Variants in MACROH2A1 observed in about 807,000 individuals in gnomAD.
The protein encoded by MACROH2A1 is core histone macro-H2A.1.
Under a neutral mutation model 31.6 loss-of-function variants are expected in MACROH2A1, and 2 were observed. The ratio of observed to expected loss-of-function variants is 0.06; its 90% CI spans 0.03 to 0.20. The LOEUF is 0.20. MACROH2A1 is among the 10% of genes least tolerant of loss of function. The probability of loss-of-function intolerance (pLI) is 1.00; values close to 1 mark genes in which losing one functional copy is unlikely to be tolerated. For missense variants in MACROH2A1, 230 were observed against 474.0 expected, an observed-to-expected ratio of 0.49 and a Z score of 4.78; for synonymous variants, 169 against 189.6, an observed-to-expected ratio of 0.89 and a Z score of 0.89.
chr5:135,395,040 T>C (rs1013876100), intron 1 of MACROH2A1, among the ~76,000 whole-genome samples: 1 of 152,134 alleles, frequency 6.6e-6, no homozygotes, highest in African/African-American at 2.4e-5. Flanking sequence ...AGGGAGCTTG[T>C]AGAGCTACCT....
intron 8 of MACROH2A1, among the ~76,000 whole-genome samples, chr5:135,336,792 T>A (rs555598495): frequency 4.0e-4 from 61 of 152,326 alleles, no homozygotes; most frequent in African/African-American, 1.4e-3. Context: ...CTGACTATAT[T>A]CACAGGAGTC....
intron 5 of MACROH2A1, chr5:135,357,624 C>T (rs1762333293): frequency 2.8e-6 from 1 of 356,240 alleles, no homozygotes; most frequent in South Asian, 1.1e-4. Flanking sequence ...ACCACTGACA[C>T]ATTAGACACA....
intron 2 of MACROH2A1, among the ~76,000 whole-genome samples, chr5:135,385,885 T>A (rs1766338434): frequency 6.6e-6 from 1 of 152,196 alleles, no homozygotes; most frequent in South Asian, 2.1e-4. Context: ...GTGAGCTCCA[T>A]GAAGCAGAGG....
At chr5:135,394,424 C>G (rs181487534) in intron 1 of MACROH2A1, among the ~76,000 whole-genome samples, 1 of 152,066 alleles carries the variant, frequency 6.6e-6, no homozygotes, top group African/African-American at 2.4e-5. Flanking sequence ...GTGCACAGGC[C>G]CTGTTGACCT....
chr5:135,380,897 T>C (rs1002328090), intron 2 of MACROH2A1, among the ~76,000 whole-genome samples: 1 of 152,242 alleles, frequency 6.6e-6, no homozygotes, highest in African/African-American at 2.4e-5. Flanking sequence ...CAAAGGGCAA[T>C]GCATGTCTCA....
Position 135,360,512 on chromosome 5 carries a change from G to A in MACROH2A1, c.573C>T (p.Leu191=), listed in dbSNP as rs746976824. ...ATCTGCCTACCTTCTGGCCAAGGAA[G>A]AGGCTCTTGGTGGAGAGGACTGTGA... is the stretch of plus-strand genomic sequence containing the variant. ...DGFTVLSTKS[L]FLGQKLNLIH... Residue 191 remains leucine, a synonymous_variant, in exon 5 of 9, where the codon CTC becomes CTT. Coordinates refer to ENST00000511689, the MANE Select transcript of MACROH2A1 (RefSeq NM_138610.3). 2.5e-6 allele frequency: 4 copies of A among 1,611,248 alleles called. No homozygotes were observed. Among genetic ancestry groups the A allele is most frequent in the East Asian group, 2.2e-5 (1 of 44,880 alleles).
Position 135,379,495 on chromosome 5 carries a change from G to A in MACROH2A1, c.173-9353C>T, listed in dbSNP as rs149827275. Among the ~76,000 whole-genome samples, 681 of 152,258 alleles carry A rather than the reference G, an allele frequency of 4.5e-3. 5 individuals are homozygous for A. Among genetic ancestry groups the A allele is most frequent in the African/African-American group, 0.016 (646 of 41,538 alleles). ...CTGGAAGAGGGTGGTGGGAAGAGAC[G>A]GAGGCTGACAATGATTAATACCCTT... On this transcript the variant is annotated intron_variant, in intron 2 of 8. Coordinates refer to ENST00000511689, the MANE Select transcript of MACROH2A1 (RefSeq NM_138610.3).
intron 2 of MACROH2A1, among the ~76,000 whole-genome samples, chr5:135,384,786 C>T (rs1311950176): frequency 6.6e-6 from 1 of 152,220 alleles, no homozygotes; most frequent in African/African-American, 2.4e-5. Flanking sequence ...CTCATAAGAA[C>T]CTGATGAGAC....
chr5:135,337,359 GGCCCAT>G (rs58874397), intron 8 of MACROH2A1, among the ~76,000 whole-genome samples: 4 of 151,676 alleles, frequency 2.6e-5, no homozygotes, highest in Non-Finnish European at 4.4e-5. Flanking sequence ...AGTGTAGCCT[GGCCCAT>G]GCCCATGCCA....
intron 6 of MACROH2A1, among the ~76,000 whole-genome samples, chr5:135,352,011 T>C (rs1276541048): frequency 1.3e-5 from 2 of 152,160 alleles, no homozygotes; most frequent in African/African-American, 2.4e-5. Context: ...TTCAGCCCAC[T>C]GTTGCACCCA....
At chr5:135,362,030 G>GA (rs371184579) in intron 4 of MACROH2A1, 17 of 152,296 alleles carry the variant, frequency 1.1e-4, no homozygotes, top group African/African-American at 4.1e-4. Context: ...TTTGATGAGT[G>GA]AAAGAGAAAC....
intron 5 of MACROH2A1, chr5:135,354,831 C>G: frequency 3.0e-6 from 1 of 338,054 alleles, no homozygotes; most frequent in South Asian, 2.4e-5. Context: ...TACAAAAACT[C>G]AAATTAAGCC....
chr5:135,340,996 T>C (rs535053960), intron 8 of MACROH2A1, among the ~76,000 whole-genome samples: 2 of 152,378 alleles, frequency 1.3e-5, no homozygotes, highest in African/African-American at 4.8e-5. Flanking sequence ...TAAATAAGTT[T>C]GTAATAACAG....
chr5:135,346,132 A>T, intron 6 of MACROH2A1, 75 bp from the exon 7 acceptor site: 1 of 854,170 alleles, frequency 1.2e-6, no homozygotes, highest in Non-Finnish European at 2.1e-6. Flanking sequence ...ATGTCAGGTG[A>T]TTACATACTT....
chr5:135,379,665 G>A (rs1765389552), intron 2 of MACROH2A1, among the ~76,000 whole-genome samples: 2 of 152,128 alleles, frequency 1.3e-5, no homozygotes, highest in African/African-American at 4.8e-5. Flanking sequence ...TGTTCTATCG[G>A]TTGCTGGTAT....
chr5:135,383,700 G>T (rs1461002296), intron 2 of MACROH2A1, among the ~76,000 whole-genome samples: 1 of 137,150 alleles, frequency 7.3e-6, no homozygotes, highest in Non-Finnish European at 1.6e-5. Flanking sequence ...GATGTGGTGT[G>T]GTGTGTGTGT....
intron 2 of MACROH2A1, among the ~76,000 whole-genome samples, chr5:135,380,139 A>G (rs1003331791): frequency 6.6e-6 from 1 of 152,034 alleles, no homozygotes; most frequent in African/African-American, 2.4e-5. Flanking sequence ...GAAACTCATC[A>G]TTCCTCTAAC....
At chr5:135,375,268 T>C (rs1412085900) in intron 2 of MACROH2A1, among the ~76,000 whole-genome samples, 2 of 152,370 alleles carry the variant, frequency 1.3e-5, no homozygotes, top group African/African-American at 4.8e-5. Flanking sequence ...CTGCAAGCCC[T>C]GCAGGGACAT....
chr5:135,352,878 T>A (rs1761747610), intron 6 of MACROH2A1, 68 bp downstream of exon 6: 1 of 873,540 alleles, frequency 1.1e-6, no homozygotes. Context: ...GAAGATGAAA[T>A]GCCTAAATTC....
Sources: allele counts gnomAD v4.1 joint callset (sites outside exome capture counted in the v4.1 genomes callset), GRCh38; gene constraint gnomAD v4.1.1; transcripts MANE v1.5; gene names NCBI Gene and HGNC (gene_info 2026-07-23, HGNC 2026-07-21).